DNM3: variants seen among roughly 807,000 people sequenced by gnomAD.
DNM3 encodes dynamin-3.
Under a neutral mutation model 101.6 loss-of-function variants are expected in DNM3, and 47 were observed. The observed-to-expected ratio is 0.46, with a 90% confidence interval of 0.37 to 0.59. The LOEUF (loss-of-function observed/expected upper bound fraction) is 0.59. Ranked by LOEUF, DNM3 falls within the 20% of genes least tolerant of loss-of-function variation. The pLI is 0.00. For missense variants in DNM3, 849 were observed against 1,085.7 expected, an observed-to-expected ratio of 0.78 and a Z score of 3.06; for synonymous variants, 385 against 387.9, an observed-to-expected ratio of 0.99 and a Z score of 0.09.
intron 14 of DNM3, among the ~76,000 whole-genome samples, chr1:172,203,525 C>A (rs920152660): frequency 6.6e-6 from 1 of 152,124 alleles, no homozygotes; most frequent in Non-Finnish European, 1.5e-5. Context: ...TGATATGAAT[C>A]TATTTTTGAG....
intron 13 of DNM3, among the ~76,000 whole-genome samples, chr1:172,115,394 T>C (rs1233296096): frequency 6.6e-6 from 1 of 152,162 alleles, no homozygotes; most frequent in African/African-American, 2.4e-5. Context: ...CTCCTCTTTC[T>C]CTTGTGAGTC....
At chr1:172,279,479 G>A (rs747550903) in intron 15 of DNM3, among the ~76,000 whole-genome samples, 6 of 152,066 alleles carry the variant, frequency 3.9e-5, no homozygotes, top group African/African-American at 7.2e-5. Context: ...GAATTTTATC[G>A]TGAAAATGTT....
At chr1:172,379,213 T>C in intron 18 of DNM3, 31 bp downstream of exon 18, 1 of 1,547,022 alleles carries the variant, frequency 6.5e-7, no homozygotes, top group South Asian at 1.2e-5. Flanking sequence ...TCCATTTAAC[T>C]TCTAACCCAT....
At chr1:172,289,681 T>C (rs1321712908) in intron 15 of DNM3, 2 of 984,676 alleles carry the variant, frequency 2.0e-6, no homozygotes, top group Non-Finnish European at 2.4e-6. Flanking sequence ...AATAATAAAG[T>C]GTACCTGATT....
At chr1:172,299,130 A>G (rs1416840332) in intron 15 of DNM3, among the ~76,000 whole-genome samples, 3 of 152,212 alleles carry the variant, frequency 2.0e-5, no homozygotes, top group Non-Finnish European at 2.9e-5. Context: ...AGCTGCAGGC[A>G]GAGAGCAGCA....
At chr1:172,355,110 A>T (rs891228729) in intron 17 of DNM3, among the ~76,000 whole-genome samples, 6 of 152,130 alleles carry the variant, frequency 3.9e-5, no homozygotes, top group Non-Finnish European at 8.8e-5. Context: ...CTGAGAAATT[A>T]AAGTGGACCA....
chr1:172,257,757 T>C (rs2062465044), intron 15 of DNM3, among the ~76,000 whole-genome samples: 2 of 152,084 alleles, frequency 1.3e-5, no homozygotes, highest in African/African-American at 4.8e-5. Context: ...ATACAATATA[T>C]TGTTGCTAAC....
rs531349895 is a variant in DNM3, at chr1:171,935,531, A to G, written c.235+13710A>G. On this transcript the variant is annotated intron_variant, in intron 2 of 20. Transcript: ENST00000627582. ...CAAAACATTGATGAGGTCTTGGGTG[A>G]TGACTGCAGTGTCATGAGCAAGGGA... is the stretch of plus-strand genomic sequence containing the variant. Among the ~76,000 whole-genome samples the G allele has an allele frequency of 2.0e-5, 3 of 152,272 alleles. 1 individual carries two copies. Among genetic ancestry groups the G allele is most frequent in the African/African-American group, 7.2e-5 (3 of 41,566 alleles).
chr1:172,200,131 T>C (rs977273892), intron 14 of DNM3, among the ~76,000 whole-genome samples: 7 of 152,180 alleles, frequency 4.6e-5, no homozygotes, highest in Non-Finnish European at 8.8e-5. Flanking sequence ...CATTTTCTTA[T>C]CTGAAAATTA....
intron 1 of DNM3, among the ~76,000 whole-genome samples, chr1:171,917,920 G>A (rs2039848971): frequency 6.6e-6 from 1 of 152,122 alleles, no homozygotes; most frequent in African/African-American, 2.4e-5. Flanking sequence ...AAAACCTATT[G>A]CACAGAAAAT....
intron 17 of DNM3, among the ~76,000 whole-genome samples, chr1:172,350,316 T>TTGTG (rs5778730): frequency 4.1e-5 from 6 of 148,032 alleles, no homozygotes; most frequent in Non-Finnish European, 7.5e-5. Context: ...CCATTTTATC[T>TTGTG]TGTGTGTGTG....
At chr1:171,929,287 G>A (rs1287581098) in intron 2 of DNM3, among the ~76,000 whole-genome samples, 1 of 152,056 alleles carries the variant, frequency 6.6e-6, no homozygotes, top group Non-Finnish European at 1.5e-5. Flanking sequence ...AACACCAGTG[G>A]GGATAGCTAG....
intron 1 of DNM3, among the ~76,000 whole-genome samples, chr1:171,870,475 CAAA>C (rs1375959911): frequency 1.3e-5 from 2 of 151,672 alleles, no homozygotes; most frequent in East Asian, 1.9e-4. Flanking sequence ...CAAAACAAAA[CAAA>C]AACAAACAAA....
At chr1:171,869,530 T>C (rs1399926249) in intron 1 of DNM3, among the ~76,000 whole-genome samples, 1 of 152,254 alleles carries the variant, frequency 6.6e-6, no homozygotes, top group Non-Finnish European at 1.5e-5. Flanking sequence ...TCTCCAGTTA[T>C]ACTAACCAAG....
chr1:172,246,014 G>A (rs909074216), intron 14 of DNM3, among the ~76,000 whole-genome samples: 1 of 152,176 alleles, frequency 6.6e-6, no homozygotes, highest in African/African-American at 2.4e-5. Flanking sequence ...GAGGGAGCAA[G>A]CACCTCTTTC....
intron 2 of DNM3, among the ~76,000 whole-genome samples, chr1:171,931,994 C>CCCTT (rs1246888261): frequency 1.8e-5 from 2 of 111,896 alleles, no homozygotes; most frequent in East Asian, 3.1e-4. Context: ...CTCCCTCCCT[C>CCCTT]CCTTCCTTCC....
At chr1:171,844,932 C>G (rs945243463) in intron 1 of DNM3, among the ~76,000 whole-genome samples, 1 of 152,066 alleles carries the variant, frequency 6.6e-6, no homozygotes, top group Non-Finnish European at 1.5e-5. Context: ...TATAGAGTGC[C>G]TGTTATGTGT....
chr1:172,305,152 G>T (rs965196003), intron 15 of DNM3, among the ~76,000 whole-genome samples: 1 of 151,910 alleles, frequency 6.6e-6, no homozygotes, highest in East Asian at 1.9e-4. Flanking sequence ...TAATAAAGAA[G>T]AAAAGAGAGA....
intron 2 of DNM3, among the ~76,000 whole-genome samples, chr1:171,938,378 G>A (rs2041593155): frequency 6.6e-6 from 1 of 152,148 alleles, no homozygotes. Context: ...GTCCCTCGGA[G>A]CTTGGCATCT....
Sources: gnomAD v4.1 joint callset for allele counts (sites outside exome capture counted in the v4.1 genomes callset) on GRCh38, gnomAD v4.1.1 for gene constraint, MANE v1.5 for transcripts, NCBI Gene and HGNC (gene_info 2026-07-23, HGNC 2026-07-21) for gene names.